Variants in NEGR1 observed in about 807,000 individuals in gnomAD.
NEGR1 encodes IgLON family member 4.
In NEGR1, 10 loss-of-function variants were observed where a neutral mutation model predicts 40.9. The ratio of observed to expected loss-of-function variants is 0.24; its 90% confidence interval spans 0.15 to 0.42. NEGR1 has a LOEUF of 0.42. Among genes scored for constraint, NEGR1 ranks in the 10% least tolerant of loss-of-function variants. The pLI is 1.00. For missense variants in NEGR1, 352 were observed against 438.9 expected (o/e 0.80, Z 1.77); for synonymous variants, 185 against 166.8 (o/e 1.11, Z -0.84).
chr1:71,842,785 A>G (rs1473113780), intron 2 of NEGR1, among the ~76,000 whole-genome samples: 4 of 152,178 alleles, frequency 2.6e-5, no homozygotes, highest in Non-Finnish European at 4.4e-5. Flanking sequence ...CAATGTTATC[A>G]TTAAATTAAC....
At chr1:71,686,725 C>A (rs942641694) in intron 4 of NEGR1, among the ~76,000 whole-genome samples, 1 of 152,150 alleles carries the variant, frequency 6.6e-6, no homozygotes, top group Non-Finnish European at 1.5e-5. Flanking sequence ...CTAGAAAATT[C>A]TATCAGGACA....
At chr1:72,013,066 C>A (rs908129404) in intron 1 of NEGR1, among the ~76,000 whole-genome samples, 1 of 151,572 alleles carries the variant, frequency 6.6e-6, no homozygotes, top group East Asian at 1.9e-4. Context: ...TGTATAGAAG[C>A]TTATAAACCC....
chr1:71,735,573 T>G (rs6657641), intron 3 of NEGR1, among the ~76,000 whole-genome samples: 74,964 of 151,616 alleles, frequency 0.49, 18,855 homozygotes, highest in East Asian at 0.78. Flanking sequence ...AGACACTGGA[T>G]TGAAAAAAAT....
In NEGR1 at chr1:72,089,854, A is replaced by G. The variant is rs1648392900; in HGVS notation, c.177-154543T>C. 2.0e-5 allele frequency among the ~76,000 whole-genome samples: 3 copies of G among 152,274 alleles called. No homozygotes were observed. The South Asian group carries it at 6.2e-4, about 32-fold the overall frequency. ...GTGATTAATTTTAAATTTTGTTGAGATAAGAAATACTGAGTCACACCTCAC... is the reference window on the plus strand; with the variant it reads ...GTGATTAATTTTAAATTTTGTTGAGGTAAGAAATACTGAGTCACACCTCAC... On this transcript the variant is annotated intron_variant, in intron 1 of 6. Coordinates refer to ENST00000357731, the MANE Select transcript of NEGR1 (RefSeq NM_173808.3).
intron 1 of NEGR1, among the ~76,000 whole-genome samples, chr1:71,959,679 C>T (rs1029005653): frequency 2.0e-5 from 3 of 151,946 alleles, no homozygotes; most frequent in Non-Finnish European, 4.4e-5. Flanking sequence ...AGTTTCATTG[C>T]CAATAATTTA....
intron 1 of NEGR1, among the ~76,000 whole-genome samples, chr1:71,938,157 G>C (rs185076011): frequency 1.4e-3 from 214 of 152,044 alleles, no homozygotes; most frequent in African/African-American, 4.9e-3. Flanking sequence ...TTTCCTTTTG[G>C]AAATTTTGCT....
At chr1:71,647,821 C>T (rs1158433741) in intron 4 of NEGR1, among the ~76,000 whole-genome samples, 1 of 151,988 alleles carries the variant, frequency 6.6e-6, no homozygotes, top group Non-Finnish European at 1.5e-5. Context: ...CCACTTCATA[C>T]CTACAAACAT....
At chr1:71,821,634 G>T (rs1658433095) in intron 2 of NEGR1, among the ~76,000 whole-genome samples, 1 of 151,864 alleles carries the variant, frequency 6.6e-6, no homozygotes, top group Non-Finnish European at 1.5e-5. Context: ...TGCAGTGTTG[G>T]AGCTATCAGT....
intron 2 of NEGR1, among the ~76,000 whole-genome samples, chr1:71,902,243 T>A (rs1661162520): frequency 6.6e-6 from 1 of 152,142 alleles, no homozygotes; most frequent in Non-Finnish European, 1.5e-5. Context: ...ATTCACTAGA[T>A]GATAAAATAA....
intron 1 of NEGR1, among the ~76,000 whole-genome samples, chr1:72,138,228 T>A (rs1650542175): frequency 6.6e-6 from 1 of 152,092 alleles, no homozygotes; most frequent in African/African-American, 2.4e-5. Flanking sequence ...TACAACTAAT[T>A]ATTTTTTTAA....
intron 2 of NEGR1, among the ~76,000 whole-genome samples, chr1:71,780,379 A>T (rs1441185683): frequency 1.3e-5 from 2 of 152,246 alleles, no homozygotes; most frequent in Admixed American, 6.5e-5. Context: ...TATCTTCATT[A>T]TATGATACCA....
intron 4 of NEGR1, among the ~76,000 whole-genome samples, chr1:71,664,927 C>T (rs1358028234): frequency 6.6e-6 from 1 of 152,066 alleles, no homozygotes; most frequent in African/African-American, 2.4e-5. Flanking sequence ...AAGGTATAAA[C>T]ATACATTTTC....
In NEGR1 at chr1:71,996,340, C is replaced by A. The variant is rs1646504603; in HGVS notation, c.177-61029G>T. ...TATTTTCATTGAGACAAGTTAGGATCATATGCTACCCTACTAGAAATAAGC... is the reference window on the plus strand; with the variant it reads ...TATTTTCATTGAGACAAGTTAGGATAATATGCTACCCTACTAGAAATAAGC... On this transcript the variant is annotated intron_variant, in intron 1 of 6. Transcript: ENST00000357731. Among the ~76,000 whole-genome samples the A allele has an allele frequency of 2.0e-5, 3 of 152,088 alleles. No homozygotes were observed. In the South Asian group the frequency reaches 6.2e-4, roughly 32 times the overall value.
intron 3 of NEGR1, among the ~76,000 whole-genome samples, chr1:71,722,717 CA>C (rs60909381): frequency 0.043 from 6,480 of 152,016 alleles, 411 homozygotes; most frequent in African/African-American, 0.15. Context: ...AATTGGCATA[CA>C]TTTTTTTTAT....
At chr1:71,680,444 G>T (rs572238177) in intron 4 of NEGR1, among the ~76,000 whole-genome samples, 4 of 151,906 alleles carry the variant, frequency 2.6e-5, no homozygotes, top group Non-Finnish European at 4.4e-5. Flanking sequence ...TCTGCAGCAC[G>T]TAGAATTCTG....
At chr1:72,192,594 T>C (rs1652857003) in intron 1 of NEGR1, among the ~76,000 whole-genome samples, 1 of 151,788 alleles carries the variant, frequency 6.6e-6, no homozygotes, top group Non-Finnish European at 1.5e-5. Flanking sequence ...CATGACTTTA[T>C]GAGATGTATT....
intron 6 of NEGR1, among the ~76,000 whole-genome samples, chr1:71,423,358 C>T (rs949351756): frequency 2.0e-5 from 3 of 152,100 alleles, no homozygotes; most frequent in Non-Finnish European, 4.4e-5. Flanking sequence ...TTGCACCTTG[C>T]ACTCCAGCCT....
rs575688322 is a variant in NEGR1 at position 71,969,841 on chromosome 1, T to C, written c.177-34530A>G. ...GATGATGACATCAAGTCATGAATTA[T>C]TAGGCAGTTTTCTGCCTTTGCTTTA... is the stretch of plus-strand genomic sequence containing the variant. On this transcript the variant is annotated intron_variant, in intron 1 of 6. Transcript: ENST00000357731. Among the ~76,000 whole-genome samples the C allele has an allele frequency of 3.9e-5, 6 of 152,374 alleles. No homozygotes were observed. The South Asian group carries it at 1.2e-3, about 32-fold the overall frequency.
At chr1:71,640,730 T>G (rs946533451) in intron 4 of NEGR1, among the ~76,000 whole-genome samples, 1 of 152,060 alleles carries the variant, frequency 6.6e-6, no homozygotes, top group African/African-American at 2.4e-5. Context: ...TTATTAAAAA[T>G]CGAGAGCTTC....
Sources: gnomAD v4.1 joint callset for allele counts (sites outside exome capture counted in the v4.1 genomes callset) on GRCh38, gnomAD v4.1.1 for gene constraint, MANE v1.5 for transcripts, NCBI Gene and HGNC (gene_info 2026-07-23, HGNC 2026-07-21) for gene names.